Variants in PER2 observed in about 807,000 individuals in gnomAD.
PER2 encodes period circadian protein homolog 2.
Under a neutral mutation model 121.0 loss-of-function variants are expected in PER2, and 66 were observed. That is an observed-to-expected ratio of 0.55 (90% CI 0.45 to 0.67). The LOEUF is 0.67. Ranked by LOEUF, PER2 falls within the 30% of genes least tolerant of loss-of-function variation. The pLI, the probability that PER2 is intolerant of heterozygous loss-of-function variation, is 0.00. For synonymous variants in PER2, 684 were observed against 659.9 expected, an observed-to-expected ratio of 1.04 and a Z score of -0.56; for missense variants, 1,521 against 1,635.0, an observed-to-expected ratio of 0.93 and a Z score of 1.20.
At chr2:238,257,514 C>T (rs1216195936) in intron 16 of PER2, among the ~76,000 whole-genome samples, 1 of 152,220 alleles carries the variant, frequency 6.6e-6, no homozygotes, top group Non-Finnish European at 1.5e-5. Context: ...CGCTCTGTCA[C>T]CCAGGCTGGA....
At chr2:238,248,926 A>G in intron 22 of PER2, 136 bp downstream of exon 22, 1 of 926,530 alleles carries the variant, frequency 1.1e-6, no homozygotes, top group Non-Finnish European at 1.8e-6. Context: ...AAGTGCTGGG[A>G]TTACAGGCGT....
chr2:238,263,314 C>G (rs1227039629), intron 9 of PER2, among the ~76,000 whole-genome samples: 2 of 152,232 alleles, frequency 1.3e-5, no homozygotes, highest in Non-Finnish European at 2.9e-5. Context: ...TTTCACCTCC[C>G]AAGAGATAAG....
rs1696343039 is a variant in PER2 at position 238,273,128 on chromosome 2, G to C, written c.512C>G (p.Pro171Arg). Residue 171 changes from proline to arginine, a missense_variant, in exon 5 of 23, where the codon CCC becomes CGC. Pro to Arg is a moderately radical substitution (Grantham distance 103). Transcript: ENST00000254657. Reference protein sequence around the residue: ...SEGHPCGADVPSYTVEEMESV... With the variant: ...SEGHPCGADVRSYTVEEMESV... ...CTCCATCTCCTCCACGGTGTAGGAG[G>C]GCACGTCTGCTCCACAGGGGTGACC... 6.2e-7 allele frequency: 1 copy of C among 1,612,986 alleles called. No homozygotes were observed. Among genetic ancestry groups the C allele is most frequent in the African/African-American group, 1.3e-5 (1 of 74,904 alleles).
chr2:238,260,800 T>G, intron 13 of PER2, 28 bp downstream of exon 13: 1 of 1,613,912 alleles, frequency 6.2e-7, no homozygotes. Context: ...CAAACTCATT[T>G]TCTCAGGGAG....
chr2:238,277,999 A>G, intron 1 of PER2, 44 bp from the exon 2 acceptor site: 2 of 1,584,216 alleles, frequency 1.3e-6, no homozygotes, highest in Non-Finnish European at 1.7e-6. Context: ...AAGCACACGC[A>G]CAAGGGGCGC....
chr2:238,263,095 C>A, intron 9 of PER2, 37 bp from the exon 10 acceptor site: 1 of 1,215,284 alleles, frequency 8.2e-7, no homozygotes, highest in Non-Finnish European at 1.2e-6. Context: ...GATTGGCATC[C>A]AAACAGATGA....
At chr2:238,291,178 G>A (rs867075428), upstream of PER2, among the ~76,000 whole-genome samples, 2 of 152,306 alleles carry the variant, frequency 1.3e-5, no homozygotes, top group South Asian at 4.1e-4. Flanking sequence ...GGTAAGCCAG[G>A]GTCCCCACCT....
At position 238,251,797 on chromosome 2, in the gene PER2, G is replaced by A. The variant is rs200667881; in HGVS notation, c.3112-36C>T. 5 of 1,190,532 alleles carry A rather than the reference G, an allele frequency of 4.2e-6. No homozygotes were observed. The African/African-American group carries it at 6.4e-5, about 15-fold the overall frequency. The allele number at this position is 1,190,532 out of a possible 1,614,324, so 73.7% of individuals were successfully genotyped here. A position where few individuals can be genotyped will look rare whatever the true frequency, so the allele number is the denominator to read the frequency against. On this transcript the variant is annotated intron_variant, in intron 19 of 22. Coordinates refer to ENST00000254657, the MANE Select transcript of PER2 (RefSeq NM_022817.3). ...AGGAAGCAGATACTGCTGTTCAGGGGCTCAGTCAGGACACAGCATATGCAG... is the reference window on the plus strand; with the variant it reads ...AGGAAGCAGATACTGCTGTTCAGGGACTCAGTCAGGACACAGCATATGCAG...
Position 238,258,557 on chromosome 2 carries a change from G to T in PER2, c.1715C>A (p.Ala572Asp). Residue 572 changes from alanine (A) to aspartate (D), a missense_variant, in exon 15 of 23, where the codon GCC (alanine) becomes GAC (aspartate). By Grantham distance (126) the Ala-to-Asp change is moderately radical. Coordinates refer to ENST00000254657, the MANE Select transcript of PER2 (RefSeq NM_022817.3). The part of the protein sequence containing the change: ...SLGVSFPEEL[A>D]CKNQPTCSYQ... The stretch of plus-strand genomic sequence containing the variant: ...GGAGCAGGTGGGCTGGTTCTTGCAG[G>T]CCAACTCCTCGGGGAAGCTGACCCC... 1 of 1,614,090 alleles carries T rather than the reference G, an allele frequency of 6.2e-7. No individual in the cohort carries two copies. Among genetic ancestry groups the T allele is most frequent in the South Asian group, 1.1e-5 (1 of 91,082 alleles).
intron 2 of PER2, among the ~76,000 whole-genome samples, chr2:238,277,424 C>T (rs1696487996): frequency 6.6e-6 from 1 of 152,144 alleles, no homozygotes; most frequent in African/African-American, 2.4e-5. Flanking sequence ...CTATAAACTG[C>T]CCAGTGTTGT....
intron 4 of PER2, among the ~76,000 whole-genome samples, chr2:238,274,890 G>C (rs1221823425): frequency 6.6e-6 from 1 of 152,208 alleles, no homozygotes; most frequent in Non-Finnish European, 1.5e-5. Context: ...ACCCAAAAAT[G>C]CAAGAGTCCA....
chr2:238,259,822 C>T, intron 14 of PER2, 147 bp downstream of exon 14: 1 of 615,088 alleles, frequency 1.6e-6, no homozygotes, highest in Non-Finnish European at 3.0e-6. Context: ...TTGGAAGCTG[C>T]AGACTGTGCT....
chr2:238,268,077 T>C lies in PER2; in HGVS notation c.946A>G (p.Arg316Gly), dbSNP rs1452722818. ...SQLCCLLLAE[R>G]VHSGYEAPRI... ...TTACCTTCATAACCAGAGTGCACTCTCTCTGCCAGCAGAAGGCAGCAAAGC... is the reference window on the plus strand; with the variant it reads ...TTACCTTCATAACCAGAGTGCACTCCCTCTGCCAGCAGAAGGCAGCAAAGC... Residue 316 changes from arginine to glycine, a missense_variant, in exon 8 of 23, where the codon AGA (arginine) becomes GGA (glycine). By Grantham distance (125) the Arg-to-Gly change is moderately radical. Coordinates refer to ENST00000254657, the MANE Select transcript of PER2 (RefSeq NM_022817.3). The surrounding 1 kb of genome is among the most constrained non-coding windows in gnomAD (Gnocchi z 4.0). The C allele has an allele frequency of 6.2e-7, 1 of 1,613,984 alleles. No homozygotes were observed. The highest frequency in any genetic ancestry group is 8.5e-7 in the Non-Finnish European group (1 of 1,179,998).
chr2:238,265,725 GAAC>G (rs1433778075), intron 8 of PER2, 135 bp from the exon 9 acceptor site: 1 of 660,386 alleles, frequency 1.5e-6, no homozygotes, highest in African/African-American at 1.8e-5. Context: ...CATGGACTCT[GAAC>G]AACAGAGACT....
intron 4 of PER2, among the ~76,000 whole-genome samples, chr2:238,275,475 G>A (rs1679034229): frequency 6.6e-6 from 1 of 152,184 alleles, no homozygotes; most frequent in South Asian, 2.1e-4. Flanking sequence ...GACTGCTTGG[G>A]TCCAGGAGTT....
At chr2:238,264,164 C>T (rs1018618133) in intron 9 of PER2, among the ~76,000 whole-genome samples, 2 of 152,236 alleles carry the variant, frequency 1.3e-5, no homozygotes, top group African/African-American at 4.8e-5. Flanking sequence ...CCTCCCTGCA[C>T]AGGGCTGAGC....
At chr2:238,249,293 T>G in intron 21 of PER2, 81 bp from the exon 22 acceptor site, 1 of 1,420,848 alleles carries the variant, frequency 7.0e-7, no homozygotes, top group Non-Finnish European at 9.7e-7. Context: ...TAATGTAGTT[T>G]TAGATGATTT....
intron 17 of PER2, 72 bp from the exon 18 acceptor site, chr2:238,255,983 C>T (rs1024130858): frequency 4.6e-5 from 72 of 1,557,390 alleles, no homozygotes; most frequent in Non-Finnish European, 5.7e-5. Flanking sequence ...ACTATATTCA[C>T]GAACAAGACA....
intron 20 of PER2, among the ~76,000 whole-genome samples, 176 bp downstream of exon 20, chr2:238,251,423 G>T (rs182554500): frequency 1.3e-3 from 202 of 152,334 alleles, no homozygotes; most frequent in Non-Finnish European, 2.4e-3. Context: ...ACTAGCTAGG[G>T]CCAGCCATGC....
Sources: allele counts gnomAD v4.1 joint callset (sites outside exome capture counted in the v4.1 genomes callset), GRCh38; gene constraint gnomAD v4.1.1; non-coding constraint Gnocchi (gnomAD v3.1); transcripts MANE v1.5; gene names NCBI Gene and HGNC (gene_info 2026-07-23, HGNC 2026-07-21).